The following VWA3B variants were observed in gnomAD, a reference collection of about 807,000 sequenced individuals.
The protein encoded by VWA3B is von Willebrand factor A domain containing 3B.
In VWA3B, 138 loss-of-function variants were observed where a neutral mutation model predicts 158.3. The ratio of observed to expected loss-of-function variants is 0.87; its 90% CI spans 0.76 to 1.00. The LOEUF (loss-of-function observed/expected upper bound fraction) is 1.00. Ranked by LOEUF, VWA3B falls within the 50% of genes least tolerant of loss-of-function variation. VWA3B has a pLI of 0.00. For missense variants in VWA3B, 1,555 were observed against 1,565.1 expected (o/e 0.99, Z 0.11); for synonymous variants, 596 against 587.3 (o/e 1.01, Z -0.21).
rs201866530 is a variant in VWA3B at position 98,121,443 on chromosome 2, C to A, written c.687C>A (p.Ala229=). 26 of 1,613,846 alleles carry A rather than the reference C, an allele frequency of 1.6e-5. No individual in the cohort carries two copies. The highest frequency in any genetic ancestry group is 2.1e-5 in the Non-Finnish European group (25 of 1,180,012). ...GCCGCCTGGATGCTCTGCTGGAAGCCGGGAGAGACAAGACTGTAAGTGCGT... is the reference window on the plus strand; with the variant it reads ...GCCGCCTGGATGCTCTGCTGGAAGCAGGGAGAGACAAGACTGTAAGTGCGT... ...EAGRLDALLE[A]GRDKTIESIY... The change falls in exon 5 of 28, where the codon GCC becomes GCA. Residue 229 remains alanine, a synonymous_variant. Coordinates refer to ENST00000477737, the MANE Select transcript of VWA3B (RefSeq NM_144992.5).
chr2:98,206,084 T>G (rs1682992905), intron 12 of VWA3B: 1 of 152,148 alleles, frequency 6.6e-6, no homozygotes, highest in African/African-American at 2.4e-5. Context: ...TGCTGATTGG[T>G]TAGTTGTTCT....
At chr2:98,246,861 T>C (rs1360914352) in intron 19 of VWA3B, among the ~76,000 whole-genome samples, 1 of 152,166 alleles carries the variant, frequency 6.6e-6, no homozygotes, top group Non-Finnish European at 1.5e-5. Flanking sequence ...CTAAGTGCAA[T>C]ACCATTTTTT....
chr2:98,255,180 ATATTTTT>A (rs1399900731), intron 20 of VWA3B, among the ~76,000 whole-genome samples: 2 of 65,904 alleles, frequency 3.0e-5, no homozygotes, highest in Non-Finnish European at 2.8e-5. Flanking sequence ...CGCCCGGCTG[ATATTTTT>A]TTTTTTTTTT....
intron 23 of VWA3B, among the ~76,000 whole-genome samples, chr2:98,296,636 T>C: frequency 6.6e-6 from 1 of 152,164 alleles, no homozygotes; most frequent in South Asian, 2.1e-4. Flanking sequence ...GAGCCAGGAC[T>C]GGGGAGCTGC....
intron 7 of VWA3B, among the ~76,000 whole-genome samples, chr2:98,151,878 A>G (rs1469073711): frequency 1.3e-5 from 2 of 152,142 alleles, no homozygotes; most frequent in Non-Finnish European, 2.9e-5. Context: ...TCTTCTTGGG[A>G]TTCCAAGTGG....
chr2:98,314,045 G>A (rs759970250), downstream of VWA3B, among the ~76,000 whole-genome samples: 27 of 152,198 alleles, frequency 1.8e-4, no homozygotes, highest in Non-Finnish European at 3.4e-4. Context: ...GGCGTCAGGT[G>A]ATAAGGACAG....
intron 16 of VWA3B, 106 bp from the exon 17 acceptor site, chr2:98,234,542 C>A (rs2105724441): frequency 6.6e-7 from 1 of 1,512,118 alleles, no homozygotes; most frequent in Admixed American, 1.9e-5. Context: ...GGTTGGGAAA[C>A]AAAGGTTGCA....
intron 2 of VWA3B, among the ~76,000 whole-genome samples, chr2:98,097,031 C>T (rs186216414): frequency 6.6e-6 from 1 of 152,110 alleles, no homozygotes; most frequent in East Asian, 1.9e-4. Flanking sequence ...TTTTGCTGTA[C>T]CCATAGGTTT....
intron 23 of VWA3B, chr2:98,292,235 C>G (rs1689539122): frequency 6.6e-6 from 1 of 152,062 alleles, no homozygotes; most frequent in Non-Finnish European, 1.5e-5. Flanking sequence ...GAGACTCTGT[C>G]TCATAAAAAA....
chr2:98,306,730 G>A (rs1690545337), intron 26 of VWA3B, among the ~76,000 whole-genome samples: 1 of 152,080 alleles, frequency 6.6e-6, no homozygotes, highest in African/African-American at 2.4e-5. Flanking sequence ...CTTGTATGTT[G>A]AGAAAAGCCT....
intron 12 of VWA3B, among the ~76,000 whole-genome samples, chr2:98,197,350 A>G (rs928091546): frequency 5.1e-4 from 77 of 152,324 alleles, no homozygotes; most frequent in African/African-American, 1.8e-3. Flanking sequence ...TTAAGGTGAC[A>G]TCTGCCAGGT....
chr2:98,157,045 G>A (rs1440661120), intron 7 of VWA3B, among the ~76,000 whole-genome samples: 1 of 152,142 alleles, frequency 6.6e-6, no homozygotes, highest in Non-Finnish European at 1.5e-5. Flanking sequence ...ATTTTACAGT[G>A]TGCCATTTAA....
chr2:98,145,499 A>G (rs1055109582), intron 7 of VWA3B, among the ~76,000 whole-genome samples: 2 of 152,168 alleles, frequency 1.3e-5, no homozygotes, highest in Admixed American at 6.5e-5. Flanking sequence ...TGTTCTCATA[A>G]CCATTGCATT....
intron 2 of VWA3B, among the ~76,000 whole-genome samples, chr2:98,098,779 CT>C (rs1339444544): frequency 4.0e-5 from 6 of 151,888 alleles, no homozygotes; most frequent in Non-Finnish European, 7.4e-5. Context: ...TTAGTGGATC[CT>C]TTTTTTGTTT....
chr2:98,220,727 C>T (rs1413678683), intron 14 of VWA3B, among the ~76,000 whole-genome samples: 1 of 152,144 alleles, frequency 6.6e-6, no homozygotes, highest in Non-Finnish European at 1.5e-5. Context: ...ACCCAAATGC[C>T]CATCAATGAT....
intron 14 of VWA3B, among the ~76,000 whole-genome samples, chr2:98,221,539 C>T (rs1380943591): frequency 6.6e-6 from 1 of 152,180 alleles, no homozygotes; most frequent in Non-Finnish European, 1.5e-5. Context: ...TAGAGCTGAC[C>T]AGGGAGCTAA....
intron 23 of VWA3B, among the ~76,000 whole-genome samples, chr2:98,295,909 G>A (rs1005220633): frequency 1.3e-5 from 2 of 152,210 alleles, no homozygotes; most frequent in African/African-American, 4.8e-5. Context: ...CCACATGGGG[G>A]CCCTCGAGGC....
intron 21 of VWA3B, among the ~76,000 whole-genome samples, chr2:98,263,676 C>T (rs1358799450): frequency 6.6e-6 from 1 of 151,940 alleles, no homozygotes; most frequent in Non-Finnish European, 1.5e-5. Flanking sequence ...CACTGTTCAC[C>T]AGGGACATTG....
At chr2:98,235,720 C>G (rs1685637463) in intron 17 of VWA3B, among the ~76,000 whole-genome samples, 1 of 152,138 alleles carries the variant, frequency 6.6e-6, no homozygotes, top group Non-Finnish European at 1.5e-5. Flanking sequence ...ACAGTGGCTC[C>G]CTTTCAATTA....
Sources: gnomAD v4.1 joint callset for allele counts (sites outside exome capture counted in the v4.1 genomes callset) on GRCh38, gnomAD v4.1.1 for gene constraint, MANE v1.5 for transcripts, NCBI Gene and HGNC (gene_info 2026-07-23, HGNC 2026-07-21) for gene names.